The following OLA1 variants were observed in gnomAD, a reference collection of about 807,000 sequenced individuals.
OLA1 encodes the protein obg-like ATPase 1.
OLA1 carries 14 observed loss-of-function variants against 48.4 expected under a neutral mutation model. The observed-to-expected ratio is 0.29, with a 90% confidence interval of 0.19 to 0.45. The LOEUF is 0.45. Among genes scored for constraint, OLA1 ranks in the 20% least tolerant of loss-of-function variants. The pLI is 1.00. For missense variants in OLA1, 325 were observed against 467.1 expected (o/e 0.70, Z 2.80); for synonymous variants, 127 against 150.4 (o/e 0.84, Z 1.14).
Position 174,226,822 on chromosome 2 carries a change from C to G in OLA1, c.245+2486G>C, listed in dbSNP as rs1056142000. Among the ~76,000 whole-genome samples, 4 of 152,070 alleles carry G rather than the reference C, an allele frequency of 2.6e-5. No homozygotes were observed. The South Asian group carries it at 8.3e-4, about 31-fold the overall frequency. On this transcript the variant is annotated intron_variant, in intron 3 of 10. Transcript: ENST00000284719. ...CCTTATTAATGTTCTTCAATAGAAA[C>G]AGGCTGGTGGGGCTCGGCACAAATT...
At position 174,075,244 on chromosome 2, in the gene OLA1, T is replaced by A; in HGVS notation, c.*182A>T. Reference sequence around the variant, plus strand: ...CAAAGCTGTTCACATTTAGTGAACCTGCATTTCATGGGGGGGGGGGGGTAC... The same window carrying A: ...CAAAGCTGTTCACATTTAGTGAACCAGCATTTCATGGGGGGGGGGGGGTAC... On this transcript the variant is annotated 3_prime_UTR_variant, in exon 11 of 11. Coordinates refer to ENST00000284719, the MANE Select transcript of OLA1 (RefSeq NM_013341.5). The A allele has an allele frequency of 2.1e-6, 1 of 467,112 alleles. No homozygotes were observed. Among genetic ancestry groups the A allele is most frequent in the Non-Finnish European group, 3.7e-6 (1 of 270,190 alleles). The allele number at this position is 467,112 out of a possible 1,614,324, so 28.9% of individuals were successfully genotyped here. A position where few individuals can be genotyped will look rare whatever the true frequency, so the allele number is the denominator to read the frequency against.
intron 10 of OLA1, 80 bp from the exon 11 acceptor site, chr2:174,075,607 A>G (rs1574466558): frequency 2.4e-6 from 2 of 839,236 alleles, no homozygotes. Flanking sequence ...GCAGATATAA[A>G]AAGTATTATA....
intron 5 of OLA1, among the ~76,000 whole-genome samples, chr2:174,128,053 A>G (rs1318165615): frequency 6.6e-6 from 1 of 151,750 alleles, no homozygotes; most frequent in African/African-American, 2.4e-5. Context: ...AACTATAGTA[A>G]TTAGAATAGT....
chr2:174,101,843 A>G (rs1173704330), intron 7 of OLA1, among the ~76,000 whole-genome samples: 1 of 152,222 alleles, frequency 6.6e-6, no homozygotes, highest in Non-Finnish European at 1.5e-5. Context: ...GATTAACTGA[A>G]TATCATATAT....
chr2:174,222,956 T>C (rs768541321), intron 4 of OLA1, 77 bp downstream of exon 4: 2 of 1,431,156 alleles, frequency 1.4e-6, no homozygotes, highest in Non-Finnish European at 1.9e-6. Context: ...TAGTCATTTC[T>C]AATTTTATTT....
At chr2:174,153,745 A>G (rs538364195) in intron 4 of OLA1, among the ~76,000 whole-genome samples, 12 of 152,366 alleles carry the variant, frequency 7.9e-5, no homozygotes, top group Non-Finnish European at 1.8e-4. Context: ...TTTTCAAAGA[A>G]GTAGGCAAAA....
At chr2:174,227,437 T>C (rs1414446821) in intron 3 of OLA1, among the ~76,000 whole-genome samples, 1 of 152,162 alleles carries the variant, frequency 6.6e-6, no homozygotes, top group Non-Finnish European at 1.5e-5. Flanking sequence ...TATGGTTGTG[T>C]GGGAGGATAT....
chr2:174,188,563 T>A (rs945347391), intron 4 of OLA1, among the ~76,000 whole-genome samples: 1 of 152,118 alleles, frequency 6.6e-6, no homozygotes, highest in South Asian at 2.1e-4. Context: ...ATTAATGACA[T>A]GTTATATTTA....
In OLA1 at chr2:174,104,151, A is replaced by AT. The variant is rs1193102373; in HGVS notation, c.728+19028dup. Among the ~76,000 whole-genome samples, 6 of 120,466 alleles carry AT rather than the reference A, an allele frequency of 5.0e-5. No individual in the cohort carries two copies. The East Asian group carries it at 7.5e-3, about 150-fold the overall frequency. 79.0% of individuals were successfully genotyped at this position (120,466 alleles called of 152,430 possible). On this transcript the variant is annotated intron_variant, in intron 7 of 10. Transcript: ENST00000284719. ...CAAATGGTTCAGGAACAAAATACAAATTAAAAAAAAAAACACAACACTATA... is the reference window on the plus strand; with the variant it reads ...CAAATGGTTCAGGAACAAAATACAAATTTAAAAAAAAAAACACAACACTATA...
chr2:174,126,437 C>T (rs1433980600), intron 5 of OLA1, among the ~76,000 whole-genome samples: 3 of 152,028 alleles, frequency 2.0e-5, no homozygotes, highest in African/African-American at 7.2e-5. Context: ...CTAAATTGGG[C>T]TGTTTTGGTA....
intron 7 of OLA1, among the ~76,000 whole-genome samples, chr2:174,083,997 C>T (rs1684914975): frequency 6.6e-6 from 1 of 152,150 alleles, no homozygotes; most frequent in African/African-American, 2.4e-5. Context: ...GCAGAGTTCT[C>T]AGAGGGATTA....
intron 7 of OLA1, among the ~76,000 whole-genome samples, chr2:174,106,658 T>C (rs1263540668): frequency 6.6e-6 from 1 of 152,262 alleles, no homozygotes; most frequent in East Asian, 1.9e-4. Context: ...GCCTAGTAGA[T>C]TACATAAATA....
intron 2 of OLA1, among the ~76,000 whole-genome samples, chr2:174,244,217 T>C (rs1689075798): frequency 6.6e-6 from 1 of 152,222 alleles, no homozygotes; most frequent in Non-Finnish European, 1.5e-5. Flanking sequence ...GATACAGTTG[T>C]GTGAAGTAAG....
intron 5 of OLA1, among the ~76,000 whole-genome samples, chr2:174,129,503 T>A (rs965522228): frequency 1.4e-5 from 2 of 139,304 alleles, no homozygotes; most frequent in African/African-American, 2.6e-5. Context: ...AAATAAATAA[T>A]ATTTATGGCA....
At chr2:174,081,295 C>T in intron 8 of OLA1, 47 bp from the exon 9 acceptor site, 1 of 1,428,838 alleles carries the variant, frequency 7.0e-7, no homozygotes, top group Non-Finnish European at 9.8e-7. Context: ...GTTGATTGTG[C>T]CAGAAATTGG....
chr2:174,104,251 CTTTTGTCT>C (rs1256087374), intron 7 of OLA1, among the ~76,000 whole-genome samples: 1 of 151,858 alleles, frequency 6.6e-6, no homozygotes, highest in Non-Finnish European at 1.5e-5. Context: ...TACAGTAACA[CTTTTGTCT>C]TTTTTAAAAT....
intron 4 of OLA1, among the ~76,000 whole-genome samples, chr2:174,206,112 C>T (rs1470025556): frequency 6.6e-6 from 1 of 152,184 alleles, no homozygotes; most frequent in Non-Finnish European, 1.5e-5. Flanking sequence ...AACACAAATG[C>T]TCAACTGATT....
At chr2:174,196,972 T>C (rs1360824331) in intron 4 of OLA1, among the ~76,000 whole-genome samples, 2 of 152,260 alleles carry the variant, frequency 1.3e-5, no homozygotes, top group African/African-American at 4.8e-5. Flanking sequence ...AGTAATATGT[T>C]GCCAGTGTAT....
chr2:174,201,788 T>G (rs538308825), intron 4 of OLA1, among the ~76,000 whole-genome samples: 11 of 152,296 alleles, frequency 7.2e-5, no homozygotes, highest in African/African-American at 2.2e-4. Context: ...ATTCGTATCA[T>G]GTAATGGGAA....
Sources: allele counts gnomAD v4.1 joint callset (sites outside exome capture counted in the v4.1 genomes callset), GRCh38; gene constraint gnomAD v4.1.1; transcripts MANE v1.5; gene names NCBI Gene and HGNC (gene_info 2026-07-23, HGNC 2026-07-21).